PDSS2: variants seen among roughly 807,000 people sequenced by gnomAD.
The protein encoded by PDSS2 is decaprenyl diphosphate synthase subunit 2, also known as all trans-polyprenyl-diphosphate synthase PDSS2.
Under a neutral mutation model 44.5 loss-of-function variants are expected in PDSS2, and 31 were observed. The observed-to-expected ratio is 0.70, with a 90% CI of 0.52 to 0.94. PDSS2 has a LOEUF of 0.94. Among genes scored for constraint, PDSS2 ranks in the 40% least tolerant of loss-of-function variants. The probability of loss-of-function intolerance (pLI) is 0.00; values close to 1 mark genes in which losing one functional copy is unlikely to be tolerated. For missense variants in PDSS2, 452 were observed against 482.2 expected (o/e 0.94, Z 0.59); for synonymous variants, 157 against 180.3 (o/e 0.87, Z 1.03).
At chr6:107,322,634 A>C (rs1054283154) in intron 2 of PDSS2, among the ~76,000 whole-genome samples, 1 of 152,190 alleles carries the variant, frequency 6.6e-6, no homozygotes, top group Non-Finnish European at 1.5e-5. Context: ...ACTTGAGCCC[A>C]GGAGTCTGAG....
chr6:107,360,827 A>G (rs1227912616), intron 1 of PDSS2, among the ~76,000 whole-genome samples: 3 of 152,242 alleles, frequency 2.0e-5, no homozygotes, highest in Non-Finnish European at 4.4e-5. Context: ...TATCTCCAAC[A>G]TTAGAAATTT....
chr6:107,236,399 T>C, intron 4 of PDSS2, among the ~76,000 whole-genome samples: 1 of 148,896 alleles, frequency 6.7e-6, no homozygotes, highest in Non-Finnish European at 1.5e-5. Flanking sequence ...ACCTGGGAGG[T>C]GGAGGTTGCC....
At chr6:107,383,632 C>A (rs1428480448) in intron 1 of PDSS2, among the ~76,000 whole-genome samples, 1 of 151,852 alleles carries the variant, frequency 6.6e-6, no homozygotes, top group Non-Finnish European at 1.5e-5. Flanking sequence ...AGAAAAATAA[C>A]CCAGTTAAAA....
intron 1 of PDSS2, among the ~76,000 whole-genome samples, chr6:107,384,775 C>T (rs944554606): frequency 7.2e-5 from 11 of 152,146 alleles, no homozygotes; most frequent in African/African-American, 2.7e-4. Context: ...CTCACACTCA[C>T]ACAACTTGTA....
chr6:107,208,274 C>T (rs1311779784), intron 6 of PDSS2, among the ~76,000 whole-genome samples: 11 of 140,240 alleles, frequency 7.8e-5, no homozygotes, highest in Non-Finnish European at 1.5e-4. Context: ...GTGTAAGCCA[C>T]CATGCCTGGC....
chr6:107,242,783 C>T (rs9400110), intron 4 of PDSS2, among the ~76,000 whole-genome samples: 40,537 of 151,968 alleles, frequency 0.27, 5,847 homozygotes, highest in East Asian at 0.39. Flanking sequence ...CCTCCTACCT[C>T]GGCCTCCTAA....
chr6:107,322,007 C>T (rs1352588635), intron 2 of PDSS2, among the ~76,000 whole-genome samples: 1 of 152,212 alleles, frequency 6.6e-6, no homozygotes. Flanking sequence ...CCCTCAACCT[C>T]ACTTCCTACC....
chr6:107,183,207 T>TAAAAAAAAA (rs5878908), intron 7 of PDSS2, among the ~76,000 whole-genome samples: 1 of 136,310 alleles, frequency 7.3e-6, no homozygotes, highest in African/African-American at 2.7e-5. Context: ...CAAGACTGTC[T>TAAAAAAAAA]AAAAAAAAAA....
intron 4 of PDSS2, among the ~76,000 whole-genome samples, chr6:107,238,874 T>C (rs1371496172): frequency 1.1e-4 from 16 of 152,198 alleles, no homozygotes; most frequent in Non-Finnish European, 2.9e-5. Context: ...ATACTCTTCT[T>C]GATTTAAGAA....
chr6:107,351,652 A>G (rs1778437990), intron 1 of PDSS2, among the ~76,000 whole-genome samples: 1 of 152,194 alleles, frequency 6.6e-6, no homozygotes, highest in Non-Finnish European at 1.5e-5. Flanking sequence ...CTGGTTTCAA[A>G]TACTGTGATA....
chr6:107,321,224 G>A (rs539869322), intron 2 of PDSS2, among the ~76,000 whole-genome samples: 3 of 152,080 alleles, frequency 2.0e-5, no homozygotes, highest in Non-Finnish European at 4.4e-5. Flanking sequence ...AATGAGCAAA[G>A]GAACAAATCT....
At position 107,212,245 on chromosome 6, in the gene PDSS2, C is replaced by T. The variant is rs1412561354; in HGVS notation, c.740G>A (p.Trp247Ter). ...YITDDIGIST[W>*]KEQTFLSHGA... ...ATGGGAGAGAAAAGTCTGCTCCTTC[C>T]AAGTCGATATTCCAATATCATCTGT... Residue 247 changes from tryptophan to a stop codon, truncating the protein, a stop_gained, in exon 5 of 8, where the codon TGG (tryptophan) becomes TAG (stop). Coordinates refer to ENST00000369037, the MANE Select transcript of PDSS2 (RefSeq NM_020381.4). LOFTEE classifies it high-confidence loss of function. 4 of 1,613,614 alleles carry T rather than the reference C, an allele frequency of 2.5e-6. No individual in the cohort carries two copies. In the African/African-American group the frequency reaches 4.0e-5, roughly 16 times the overall value.
intron 1 of PDSS2, among the ~76,000 whole-genome samples, chr6:107,443,658 G>A (rs12202734): frequency 0.045 from 6,802 of 152,178 alleles, 290 homozygotes; most frequent in African/African-American, 0.11. Context: ...CCATCCCACC[G>A]TGTGGTGCAG....
chr6:107,165,928 T>C (rs539450945), intron 7 of PDSS2, among the ~76,000 whole-genome samples: 2,858 of 151,400 alleles, frequency 0.019, 84 homozygotes, highest in African/African-American at 0.066. Flanking sequence ...TTTGAAGCAA[T>C]TGTGAATGGG....
At chr6:107,259,746 T>G (rs1775151435) in intron 3 of PDSS2, among the ~76,000 whole-genome samples, 1 of 152,092 alleles carries the variant, frequency 6.6e-6, no homozygotes, top group Non-Finnish European at 1.5e-5. Context: ...GTCCACAGAC[T>G]TCTACTTTAT....
chr6:107,195,541 A>T (rs868837564), intron 6 of PDSS2, among the ~76,000 whole-genome samples: 5 of 148,988 alleles, frequency 3.4e-5, no homozygotes, highest in African/African-American at 7.4e-5. Context: ...TCTTTTAAAA[A>T]TTTTTCTGAA....
intron 7 of PDSS2, among the ~76,000 whole-genome samples, chr6:107,178,058 T>C (rs1771855154): frequency 6.6e-6 from 1 of 152,192 alleles, no homozygotes; most frequent in South Asian, 2.1e-4. Flanking sequence ...GCTTTAGTAT[T>C]TGGATGCTGA....
chr6:107,382,611 G>T (rs1779486928), intron 1 of PDSS2, among the ~76,000 whole-genome samples: 1 of 152,156 alleles, frequency 6.6e-6, no homozygotes, highest in Admixed American at 6.5e-5. Context: ...CCAAGAACGG[G>T]AGGATCACTT....
intron 7 of PDSS2, among the ~76,000 whole-genome samples, chr6:107,187,660 A>G (rs764774000): frequency 9.3e-5 from 14 of 150,856 alleles, no homozygotes; most frequent in Non-Finnish European, 4.4e-5. Context: ...GTGAAACTCC[A>G]TCTCAAAAAA....
Sources: allele counts gnomAD v4.1 joint callset (sites outside exome capture counted in the v4.1 genomes callset), GRCh38; gene constraint gnomAD v4.1.1; transcripts MANE v1.5; gene names NCBI Gene and HGNC (gene_info 2026-07-23, HGNC 2026-07-21).